SLCO5A1: variants seen among roughly 807,000 people sequenced by gnomAD.
SLCO5A1 encodes the protein organic anion transporter polypeptide-related protein 4.
In SLCO5A1, 39 loss-of-function variants were observed where a neutral mutation model predicts 65.1. That is an observed-to-expected ratio of 0.60 (90% confidence interval 0.46 to 0.78). The LOEUF is 0.78. Among genes scored for constraint, SLCO5A1 ranks in the 30% least tolerant of loss-of-function variants. The pLI, the probability that SLCO5A1 is intolerant of heterozygous loss-of-function variation, is 0.00. For missense variants in SLCO5A1, 1,029 were observed against 1,069.4 expected, an observed-to-expected ratio of 0.96 and a Z score of 0.53; for synonymous variants, 438 against 415.7, an observed-to-expected ratio of 1.05 and a Z score of -0.65.
intron 6 of SLCO5A1, among the ~76,000 whole-genome samples, chr8:69,694,164 C>A (rs1397845566): frequency 6.6e-6 from 1 of 152,160 alleles, no homozygotes; most frequent in East Asian, 1.9e-4. Flanking sequence ...GCATGAAATA[C>A]ACAATTTAAA....
chr8:69,751,518 G>A (rs1219461735), intron 4 of SLCO5A1, among the ~76,000 whole-genome samples: 2 of 151,650 alleles, frequency 1.3e-5, no homozygotes, highest in Non-Finnish European at 2.9e-5. Flanking sequence ...TCCCAAAAGG[G>A]CGCCATTCTG....
intron 5 of SLCO5A1, among the ~76,000 whole-genome samples, chr8:69,708,733 G>A (rs565078949): frequency 2.0e-5 from 3 of 152,036 alleles, no homozygotes; most frequent in South Asian, 2.1e-4. Context: ...GAGAAACCCC[G>A]TCACTACTAA....
chr8:69,717,842 A>G (rs1202804512), intron 5 of SLCO5A1, among the ~76,000 whole-genome samples: 2 of 152,208 alleles, frequency 1.3e-5, no homozygotes, highest in East Asian at 3.9e-4. Context: ...TCATTTTGAA[A>G]TGAGGATACA....
intron 2 of SLCO5A1, among the ~76,000 whole-genome samples, chr8:69,795,187 C>A (rs1347948561): frequency 2.0e-5 from 3 of 152,166 alleles, no homozygotes; most frequent in African/African-American, 7.2e-5. Flanking sequence ...TCTCACATTG[C>A]AAAATACAAT....
chr8:69,709,298 T>C (rs1815118549), intron 5 of SLCO5A1, among the ~76,000 whole-genome samples: 1 of 152,086 alleles, frequency 6.6e-6, no homozygotes, highest in African/African-American at 2.4e-5. Context: ...GAATGAATGG[T>C]TGAATGTGGA....
chr8:69,772,604 G>C (rs564015208), intron 2 of SLCO5A1, among the ~76,000 whole-genome samples: 2 of 144,662 alleles, frequency 1.4e-5, no homozygotes, highest in South Asian at 4.7e-4. Flanking sequence ...GAAAGGAAAG[G>C]AAAGGAAAGG....
chr8:69,822,269 C>T (rs1412266458), intron 2 of SLCO5A1, among the ~76,000 whole-genome samples: 1 of 152,218 alleles, frequency 6.6e-6, no homozygotes, highest in East Asian at 1.9e-4. Flanking sequence ...GGTGAAATGG[C>T]ACACCACAAG....
At chr8:69,775,743 G>A (rs1818527262) in intron 2 of SLCO5A1, among the ~76,000 whole-genome samples, 1 of 152,160 alleles carries the variant, frequency 6.6e-6, no homozygotes, top group Admixed American at 6.5e-5. Context: ...GCTGGACACA[G>A]TGGCTCATGC....
chr8:69,717,062 G>C (rs1815581813), intron 5 of SLCO5A1, among the ~76,000 whole-genome samples: 1 of 152,178 alleles, frequency 6.6e-6, no homozygotes. Flanking sequence ...ACAGATATGA[G>C]CCACCATGCC....
chr8:69,759,454 A>C (rs1412480448), intron 3 of SLCO5A1, among the ~76,000 whole-genome samples: 1 of 152,206 alleles, frequency 6.6e-6, no homozygotes, highest in Non-Finnish European at 1.5e-5. Flanking sequence ...AGAGTGCTAG[A>C]CATGTAAACT....
chr8:69,820,815 CAT>C (rs1820602777), intron 2 of SLCO5A1, among the ~76,000 whole-genome samples: 1 of 152,100 alleles, frequency 6.6e-6, no homozygotes, highest in African/African-American at 2.4e-5. Flanking sequence ...CATATACACA[CAT>C]ATATGTGTAT....
chr8:69,824,807 T>G (rs907739991), intron 2 of SLCO5A1, among the ~76,000 whole-genome samples: 74 of 152,302 alleles, frequency 4.9e-4, no homozygotes, highest in East Asian at 3.7e-3. Context: ...TACCAAAGCC[T>G]GGCAGAGACA....
intron 5 of SLCO5A1, among the ~76,000 whole-genome samples, chr8:69,731,146 C>T (rs552332216): frequency 6.6e-6 from 1 of 152,224 alleles, no homozygotes; most frequent in East Asian, 1.9e-4. Context: ...ATTATAGGCA[C>T]GTGTCACCAC....
chr8:69,794,842 C>T (rs769491859), intron 2 of SLCO5A1: 29 of 156,508 alleles, frequency 1.9e-4, no homozygotes, highest in Non-Finnish European at 3.7e-4. Context: ...TTCTGCTCAG[C>T]TTTAGGGTAG....
In SLCO5A1 at chr8:69,727,572, T is replaced by G. The variant is rs539603553; in HGVS notation, c.1423+10468A>C. ...AGGACTCCCTCCCACTGCAGTACTG[T>G]GGTGAAGACTGCAAAGCATGCATGG... is the stretch of plus-strand genomic sequence containing the variant. On this transcript the variant is annotated intron_variant, in intron 5 of 9. Coordinates refer to ENST00000260126, the MANE Select transcript of SLCO5A1 (RefSeq NM_030958.3). 3.3e-5 allele frequency among the ~76,000 whole-genome samples: 5 copies of G among 152,306 alleles called. No individual in the cohort carries two copies. In the East Asian group the frequency reaches 9.6e-4, roughly 29 times the overall value.
At chr8:69,677,062 C>T (rs1334251638) in intron 8 of SLCO5A1, among the ~76,000 whole-genome samples, 1 of 150,990 alleles carries the variant, frequency 6.6e-6, no homozygotes, top group Non-Finnish European at 1.5e-5. Flanking sequence ...GTTTTTTTGC[C>T]TGTGTGCCTG....
At chr8:69,712,723 T>G (rs1194053186) in intron 5 of SLCO5A1, among the ~76,000 whole-genome samples, 1 of 152,240 alleles carries the variant, frequency 6.6e-6, no homozygotes, top group Non-Finnish European at 1.5e-5. Flanking sequence ...AAGGTTCTTG[T>G]CTATATTTTC....
chr8:69,713,345 A>T (rs1433081493), intron 5 of SLCO5A1: 2 of 152,240 alleles, frequency 1.3e-5, no homozygotes, highest in Non-Finnish European at 2.9e-5. Flanking sequence ...CCATCATGAC[A>T]TGTGGATTCT....
intron 2 of SLCO5A1, among the ~76,000 whole-genome samples, chr8:69,814,218 G>T (rs796313673): frequency 1.4e-4 from 21 of 152,224 alleles, no homozygotes; most frequent in African/African-American, 4.6e-4. Context: ...AAAAGCTTCT[G>T]CACAGCAAAG....
Sources: gnomAD v4.1 joint callset for allele counts (sites outside exome capture counted in the v4.1 genomes callset) on GRCh38, gnomAD v4.1.1 for gene constraint, MANE v1.5 for transcripts, NCBI Gene and HGNC (gene_info 2026-07-23, HGNC 2026-07-21) for gene names.